Variants in RYR1 observed in about 807,000 individuals in gnomAD.
The protein encoded by RYR1 is central core disease of muscle.
A neutral mutation model predicts 583.5 loss-of-function variants in RYR1; 342 were observed. The observed-to-expected ratio is 0.59, with a 90% CI of 0.54 to 0.64. The LOEUF is 0.64. Among genes scored for constraint, RYR1 ranks in the 30% least tolerant of loss-of-function variants. RYR1 has a pLI of 0.00. For synonymous variants in RYR1, 2,791 were observed against 2,822.5 expected, an observed-to-expected ratio of 0.99 and a Z score of 0.35; for missense variants, 6,032 against 6,917.2, an observed-to-expected ratio of 0.87 and a Z score of 4.54.
chr19:38,581,711 G>A (rs1261112250), intron 101 of RYR1, among the ~76,000 whole-genome samples: 2 of 152,120 alleles, frequency 1.3e-5, no homozygotes, highest in East Asian at 3.8e-4. Context: ...TGATTCTCCT[G>A]CGTTAGCCTC....
rs1568436639 is a variant in RYR1 at position 38,444,688 on chromosome 19, C to G, written c.631+11C>G. On this transcript the variant is annotated intron_variant, in intron 7 of 105. Transcript: ENST00000359596. The surrounding 1 kb of genome is among the most constrained non-coding windows in gnomAD (Gnocchi z 5.1). Reference sequence around the variant, plus strand: ...CCCGCTGCGAAGAGGGTGAGGGCCCCAGACCTCCCCCTAAATGGAGATCCC... The same window carrying G: ...CCCGCTGCGAAGAGGGTGAGGGCCCGAGACCTCCCCCTAAATGGAGATCCC... The G allele has an allele frequency of 6.3e-7, 1 of 1,598,360 alleles. No individual in the cohort carries two copies. The highest frequency in any genetic ancestry group is 1.1e-5 in the South Asian group (1 of 90,238).
At position 38,580,434 on chromosome 19, in the gene RYR1, T is replaced by A; in HGVS notation, c.14576T>A (p.Phe4859Tyr). 3 of 1,614,084 alleles carry A rather than the reference T, an allele frequency of 1.9e-6. No homozygotes were observed. The highest frequency in any genetic ancestry group is 2.5e-6 in the Non-Finnish European group (3 of 1,180,026). The change falls in exon 101 of 106, where the codon TTC (phenylalanine) becomes TAC (tyrosine). Residue 4859 changes from phenylalanine to tyrosine, a missense_variant. Physicochemically the swap from Phe to Tyr is conservative, Grantham distance 22 (BLOSUM62 3). Transcript: ENST00000359596. ...CTGTACACCGTGGTGGCCTTCAACTTCTTCCGCAAGTTCTACAACAAGAGC... is the reference window on the plus strand; with the variant it reads ...CTGTACACCGTGGTGGCCTTCAACTACTTCCGCAAGTTCTACAACAAGAGC... ...VYLYTVVAFN[F>Y]FRKFYNKSED...
chr19:38,539,394 A>G (rs753146225), intron 84 of RYR1, among the ~76,000 whole-genome samples: 12 of 151,740 alleles, frequency 7.9e-5, no homozygotes, highest in South Asian at 4.2e-4. Flanking sequence ...ATGCATCACC[A>G]TGTCTGGCTA....
rs1214393323 is a variant in RYR1, at chr19:38,455,246, C to T, written c.1452C>T (p.Ser484=). Reference sequence around the variant, plus strand: ...TTTCCTCATCCTAGGGGATGCTCTCCATGGTCCTGAATTGCATAGACCGCC... The same window carrying T: ...TTTCCTCATCCTAGGGGATGCTCTCTATGGTCCTGAATTGCATAGACCGCC... ...QSLFQEEGML[S]MVLNCIDRLN... is the part of the protein sequence containing the mutation. Residue 484 remains serine (S), a synonymous_variant, in exon 14 of 106, where the codon TCC becomes TCT. Transcript: ENST00000359596. The T allele has an allele frequency of 6.2e-7, 1 of 1,614,096 alleles. No individual in the cohort carries two copies. The highest frequency in any genetic ancestry group is 2.2e-5 in the East Asian group (1 of 44,880).
chr19:38,547,694 A>G (rs1302411836), intron 88 of RYR1, among the ~76,000 whole-genome samples: 1 of 148,870 alleles, frequency 6.7e-6, no homozygotes, highest in Non-Finnish European at 1.5e-5. Context: ...TTTGGCACCT[A>G]CCTTTAGCGT....
At chr19:38,451,958 T>C (rs1229026377) in intron 12 of RYR1, 73 bp downstream of exon 12, 15 of 1,597,948 alleles carry the variant, frequency 9.4e-6, no homozygotes, top group Non-Finnish European at 1.2e-5. Context: ...ACACTTGGCC[T>C]CTTTCATCTC....
chr19:38,584,042 C>T (rs1568609879), intron 101 of RYR1, among the ~76,000 whole-genome samples: 1 of 151,992 alleles, frequency 6.6e-6, no homozygotes, highest in African/African-American at 2.4e-5. Context: ...ACTCTCCCAC[C>T]ACCCCTCCAC....
chr19:38,561,557 C>T lies in RYR1; in HGVS notation c.12624+103C>T, dbSNP rs887008414. 2 of 1,119,872 alleles carry T rather than the reference C, an allele frequency of 1.8e-6. No homozygotes were observed. Among genetic ancestry groups the T allele is most frequent in the African/African-American group, 3.1e-5 (2 of 65,090 alleles). 69.4% of individuals were successfully genotyped at this position (1,119,872 alleles called of 1,614,324 possible). On this transcript the variant is annotated intron_variant, in intron 90 of 105. Transcript: ENST00000359596. The surrounding 1 kb of genome is among the most constrained non-coding windows in gnomAD (Gnocchi z 4.8). ...CCCCACGGGGGCTGTGCGTGCCTCG[C>T]ATATCTGCCCTGCTCCGGCAAGCCC...
At chr19:38,532,413 G>A (rs1265095584) in intron 76 of RYR1, 77 bp from the exon 77 acceptor site, 8 of 1,467,278 alleles carry the variant, frequency 5.5e-6, no homozygotes, top group African/African-American at 1.4e-5. Flanking sequence ...ATGAGCCACC[G>A]CACCCTGCCC....
chr19:38,556,312 T>C (rs2145815447), intron 89 of RYR1, among the ~76,000 whole-genome samples: 1 of 151,688 alleles, frequency 6.6e-6, no homozygotes, highest in African/African-American at 2.4e-5. Context: ...CAAAACCCTA[T>C]CTCTATAAAA....
intron 54 of RYR1, 30 bp downstream of exon 54, chr19:38,505,976 G>T (rs377035052): frequency 8.1e-6 from 13 of 1,608,818 alleles, no homozygotes; most frequent in Non-Finnish European, 1.1e-5. Flanking sequence ...GGAGGGCAGG[G>T]GCACGATGGG....
At chr19:38,463,590 G>A in intron 21 of RYR1, 63 bp downstream of exon 21, 3 of 1,544,014 alleles carry the variant, frequency 1.9e-6, no homozygotes, top group Non-Finnish European at 2.7e-6. Context: ...AGGGAGAGCG[G>A]CTCACCGGCG....
Position 38,530,411 on chromosome 19 carries a change from C to T in RYR1, c.11141+1354C>T, listed in dbSNP as rs146428169. Among the ~76,000 whole-genome samples the T allele has an allele frequency of 5.0e-3, 754 of 151,188 alleles. 4 individuals are homozygous for T. Among genetic ancestry groups the T allele is most frequent in the African/African-American group, 0.017 (721 of 41,204 alleles). On this transcript the variant is annotated intron_variant, in intron 76 of 105. Transcript: ENST00000359596. ...TCCTGAGTAGCTGGGACTACAGGCA[C>T]GTGCCTCCATGCCTGGCTATTTTTT...
intron 75 of RYR1, 45 bp from the exon 76 acceptor site, chr19:38,528,906 G>A (rs529956836): frequency 6.3e-7 from 1 of 1,591,204 alleles, no homozygotes; most frequent in Non-Finnish European, 8.6e-7. Context: ...AGTGACAGGA[G>A]GGGACTCTAG....
chr19:38,570,801 T>C (rs1973680554), intron 94 of RYR1, 108 bp downstream of exon 94: 3 of 966,284 alleles, frequency 3.1e-6, no homozygotes, highest in East Asian at 2.5e-5. Flanking sequence ...GGATAAGGTA[T>C]TGGGCTTTGG....
At position 38,561,099 on chromosome 19, in the gene RYR1, C is replaced by T; in HGVS notation, c.12283-14C>T. The T allele has an allele frequency of 1.2e-6, 2 of 1,613,524 alleles. No individual in the cohort carries two copies. Among genetic ancestry groups the T allele is most frequent in the African/African-American group, 1.3e-5 (1 of 74,996 alleles). ...TCTCCAGGTCACCCCACTGACCTCC[C>T]TGCCCGCCCCCAGGCCATGGACAGC... On this transcript the variant is annotated splice_polypyrimidine_tract_variant and intron_variant, in intron 89 of 105. Coordinates refer to ENST00000359596, the MANE Select transcript of RYR1 (RefSeq NM_000540.3). This position sits in a 1 kb window ranked among gnomAD's most constrained non-coding sequence, Gnocchi z 4.8.
At chr19:38,481,002 A>G (rs979712827) in intron 31 of RYR1, among the ~76,000 whole-genome samples, 4 of 152,096 alleles carry the variant, frequency 2.6e-5, no homozygotes, top group African/African-American at 9.7e-5. Flanking sequence ...TGCTGGGATT[A>G]CAGTGTGAGG....
chr19:38,477,345 A>T (rs1968785189), intron 29 of RYR1, among the ~76,000 whole-genome samples: 1 of 151,868 alleles, frequency 6.6e-6, no homozygotes, highest in Non-Finnish European at 1.5e-5. Flanking sequence ...GTTTCACCAT[A>T]TTGGTCAGGC....
At position 38,448,426 on chromosome 19, in the gene RYR1, C is replaced by T. The variant is rs200572262; in HGVS notation, c.872C>T (p.Ala291Val). Residue 291 changes from alanine (A) to valine (V), a missense_variant, in exon 10 of 106, where the codon GCG becomes GTG. By Grantham distance (64) the Ala-to-Val change is moderately conservative (BLOSUM62 0). Coordinates refer to ENST00000359596, the MANE Select transcript of RYR1 (RefSeq NM_000540.3). ...CATGTCACTACCGGGCAGTACCTAGCGCTCACCGAGGACCAGGGCCTGGTG... is the reference window on the plus strand; with the variant it reads ...CATGTCACTACCGGGCAGTACCTAGTGCTCACCGAGGACCAGGGCCTGGTG... The part of the protein sequence containing the change: ...VRHVTTGQYL[A>V]LTEDQGLVVV... 3.7e-5 allele frequency: 60 copies of T among 1,613,528 alleles called. No homozygotes were observed. In the East Asian group the frequency reaches 1.0e-3, roughly 27 times the overall value.
Sources: gnomAD v4.1 joint callset for allele counts (sites outside exome capture counted in the v4.1 genomes callset) on GRCh38, gnomAD v4.1.1 for gene constraint, Gnocchi (gnomAD v3.1) non-coding constraint, MANE v1.5 for transcripts, NCBI Gene and HGNC (gene_info 2026-07-23, HGNC 2026-07-21) for gene names.